Variants in HYKK observed in about 807,000 individuals in gnomAD.
HYKK encodes 5-hydroxy-L-lysine kinase.
Under a neutral mutation model 29.7 loss-of-function variants are expected in HYKK, and 19 were observed. The observed-to-expected ratio is 0.64, with a 90% CI of 0.45 to 0.94. The LOEUF (loss-of-function observed/expected upper bound fraction) is 0.94, where lower values mean the gene tolerates loss of function less well. HYKK is among the 40% of genes least tolerant of loss of function. The pLI is 0.00. For missense variants in HYKK, 390 were observed against 443.4 expected, an observed-to-expected ratio of 0.88 and a Z score of 1.08; for synonymous variants, 152 against 158.1, an observed-to-expected ratio of 0.96 and a Z score of 0.29.
intron 1 of HYKK, among the ~76,000 whole-genome samples, chr15:78,512,311 AC>A: frequency 6.6e-6 from 1 of 152,240 alleles, no homozygotes; most frequent in East Asian, 1.9e-4. Context: ...TTATTGTTTA[AC>A]CTAAGACGGT....
At chr15:78,509,871 G>A (rs989428830) in intron 1 of HYKK, among the ~76,000 whole-genome samples, 1 of 152,174 alleles carries the variant, frequency 6.6e-6, no homozygotes, top group Non-Finnish European at 1.5e-5. Flanking sequence ...CAAATGCCTG[G>A]TTAGAAAGTA....
intron 4 of HYKK, chr15:78,528,844 G>A: frequency 2.0e-6 from 2 of 982,820 alleles, no homozygotes; most frequent in South Asian, 4.7e-5. Flanking sequence ...TTTCTATCAA[G>A]GCCTAAGATA....
At chr15:78,518,112 C>G (rs891254643) in intron 3 of HYKK, among the ~76,000 whole-genome samples, 2 of 152,232 alleles carry the variant, frequency 1.3e-5, no homozygotes, top group Non-Finnish European at 2.9e-5. Flanking sequence ...GTCCTCTGGG[C>G]TCCGCCTGGG....
chr15:78,526,271 CAG>C (rs1183897436), intron 3 of HYKK, among the ~76,000 whole-genome samples: 1 of 152,150 alleles, frequency 6.6e-6, no homozygotes, highest in Non-Finnish European at 1.5e-5. Flanking sequence ...GTGAACAAAA[CAG>C]ACAAAAAACA....
chr15:78,517,675 A>G (rs12910978), intron 3 of HYKK, among the ~76,000 whole-genome samples: 49,087 of 152,038 alleles, frequency 0.32, 8,778 homozygotes, highest in Non-Finnish European at 0.42. Flanking sequence ...TATGCTTGTC[A>G]TTCACTGGGA....
chr15:78,511,502 C>A (rs2052072377), intron 1 of HYKK, among the ~76,000 whole-genome samples: 1 of 151,546 alleles, frequency 6.6e-6, no homozygotes, highest in African/African-American at 2.4e-5. Flanking sequence ...CAGAGGCAGG[C>A]AGATCACTTA....
intron 3 of HYKK, among the ~76,000 whole-genome samples, chr15:78,526,516 T>G (rs1309591318): frequency 6.6e-6 from 1 of 152,158 alleles, no homozygotes; most frequent in Non-Finnish European, 1.5e-5. Context: ...CATGTGGATA[T>G]CTGGTGAAGG....
chr15:78,528,416 A>G (rs1051696033), intron 4 of HYKK: 3 of 985,360 alleles, frequency 3.0e-6, no homozygotes, highest in South Asian at 4.7e-5. Context: ...GCTCTAGTAT[A>G]TATCTATCTC....
rs117533112 is a variant in HYKK, at chr15:78,509,147, G to C, written c.-6+1476G>C. Among the ~76,000 whole-genome samples the C allele has an allele frequency of 4.5e-4, 69 of 152,228 alleles. 2 individuals are homozygous for C. In the East Asian group the frequency reaches 0.013, roughly 28 times the overall value. On this transcript the variant is annotated intron_variant, in intron 1 of 4. Transcript: ENST00000388988. ...TTTCTTTGTTTTTATTTACTCTCAAGAGTTGACTTGATCTGTGCCATTAGT... is the reference window on the plus strand; with the variant it reads ...TTTCTTTGTTTTTATTTACTCTCAACAGTTGACTTGATCTGTGCCATTAGT...
intron 3 of HYKK, among the ~76,000 whole-genome samples, chr15:78,521,250 T>C (rs1448756095): frequency 1.3e-5 from 2 of 151,980 alleles, no homozygotes; most frequent in African/African-American, 4.8e-5. Flanking sequence ...CAACTAGTAC[T>C]GGAATTTGGT....
intron 1 of HYKK, among the ~76,000 whole-genome samples, chr15:78,509,981 C>T (rs1044932253): frequency 1.3e-5 from 2 of 152,198 alleles, no homozygotes; most frequent in African/African-American, 2.4e-5. Context: ...CTGGAGCAAT[C>T]ACTTTGGGTA....
intron 1 of HYKK, among the ~76,000 whole-genome samples, chr15:78,509,523 C>G (rs1197652210): frequency 6.6e-6 from 1 of 152,226 alleles, no homozygotes; most frequent in East Asian, 1.9e-4. Flanking sequence ...CCAGTTGCCT[C>G]TAAGGTTCCT....
rs767395546 is a variant in HYKK at position 78,513,261 on chromosome 15, G to A, written c.173G>A (p.Gly58Asp). 2.0e-5 allele frequency: 33 copies of A among 1,614,012 alleles called. No individual in the cohort carries two copies. Among genetic ancestry groups the A allele is most frequent in the Non-Finnish European group, 2.7e-5 (32 of 1,180,028 alleles). Residue 58 changes from glycine to aspartate, a missense_variant, in exon 2 of 5, where the codon GGC becomes GAC. By Grantham distance (94) the Gly-to-Asp change is moderately conservative. Coordinates refer to ENST00000388988, the MANE Select transcript of HYKK (RefSeq NM_001013619.4). ...FHVYVSKTKDGPTEYVLKISN... is the reference protein window; with the variant it reads ...FHVYVSKTKDDPTEYVLKISN... ...GTCTACGTTTCAAAAACCAAAGATG[G>A]CCCAACTGAATATGTCCTCAAAATA...
chr15:78,513,327 T>C lies in HYKK; in HGVS notation c.239T>C (p.Val80Ala). Residue 80 changes from valine to alanine, a missense_variant, in exon 2 of 5, where the codon GTG becomes GCG. Coordinates refer to ENST00000388988, the MANE Select transcript of HYKK (RefSeq NM_001013619.4). ...AGCAAAAATCCAGACCTGATTGAAG[T>C]GCAGAATCACATCATCATGTTTCTG... ...KASKNPDLIE[V>A]QNHIIMFLKA... The C allele has an allele frequency of 6.2e-7, 1 of 1,614,206 alleles. No individual in the cohort carries two copies. Among genetic ancestry groups the C allele is most frequent in the Admixed American group, 1.7e-5 (1 of 60,014 alleles).
chr15:78,512,071 T>C (rs536344268), intron 1 of HYKK, among the ~76,000 whole-genome samples: 4 of 152,340 alleles, frequency 2.6e-5, no homozygotes, highest in African/African-American at 9.6e-5. Flanking sequence ...GAAAACATAT[T>C]CTTTACAATT....
At chr15:78,532,098 TG>T (rs2052318032) in intron 4 of HYKK, among the ~76,000 whole-genome samples, 1 of 152,220 alleles carries the variant, frequency 6.6e-6, no homozygotes, top group Admixed American at 6.5e-5. Context: ...AATCTTTAGT[TG>T]GTGGCTTAAA....
intron 1 of HYKK, among the ~76,000 whole-genome samples, chr15:78,510,123 T>TTTTCTTTCTTTC (rs146025612): frequency 2.3e-4 from 34 of 148,766 alleles, no homozygotes; most frequent in African/African-American, 7.7e-4. Flanking sequence ...TTCTTCTTTC[T>TTTTCTTTCTTTC]TTTCTTTCTT....
At position 78,513,853 on chromosome 15, in the gene HYKK, G is replaced by A. The variant is rs191333875; in HGVS notation, c.337+428G>A. On this transcript the variant is annotated intron_variant, in intron 2 of 4. Transcript: ENST00000388988. The stretch of plus-strand genomic sequence containing the variant: ...ATCACCCAGACTGGAGTACAGTGGC[G>A]CAGTCACAGCTCACTGCAGCCTTGA... Among the ~76,000 whole-genome samples the A allele has an allele frequency of 2.0e-4, 30 of 152,212 alleles. No individual in the cohort carries two copies. The East Asian group carries it at 4.8e-3, about 24-fold the overall frequency.
intron 3 of HYKK, among the ~76,000 whole-genome samples, chr15:78,520,655 G>A (rs1032981114): frequency 2.0e-5 from 3 of 152,158 alleles, no homozygotes; most frequent in Non-Finnish European, 2.9e-5. Context: ...CACAGACACG[G>A]CAACCATCCG....
Sources: allele counts gnomAD v4.1 joint callset (sites outside exome capture counted in the v4.1 genomes callset), GRCh38; gene constraint gnomAD v4.1.1; transcripts MANE v1.5; gene names NCBI Gene and HGNC (gene_info 2026-07-23, HGNC 2026-07-21).